KCNH1: variants seen among roughly 807,000 people sequenced by gnomAD.
The protein encoded by KCNH1 is potassium voltage-gated channel subfamily H member 1, also known as voltage-gated delayed rectifier potassium channel KCNH1.
A neutral mutation model predicts 69.2 loss-of-function variants in KCNH1; 27 were observed. That is an observed-to-expected ratio of 0.39 (90% CI 0.29 to 0.54). The LOEUF (loss-of-function observed/expected upper bound fraction) is 0.54, where lower values mean the gene tolerates loss of function less well. Among genes scored for constraint, KCNH1 ranks in the 20% least tolerant of loss-of-function variants. The pLI is 0.68. For synonymous variants in KCNH1, 456 were observed against 487.7 expected (o/e 0.93, Z 0.86); for missense variants, 798 against 1,261.6 (o/e 0.63, Z 5.57).
intron 9 of KCNH1, among the ~76,000 whole-genome samples, chr1:210,781,878 C>T (rs1273484945): frequency 6.6e-6 from 1 of 152,232 alleles, no homozygotes; most frequent in African/African-American, 2.4e-5. Flanking sequence ...CCATCGAGGG[C>T]TTGTGGTGAC....
At chr1:210,928,462 T>C (rs1687617247) in intron 6 of KCNH1, among the ~76,000 whole-genome samples, 1 of 152,252 alleles carries the variant, frequency 6.6e-6, no homozygotes, top group South Asian at 2.1e-4. Context: ...TACTCCAGAA[T>C]GATCATTGGG....
chr1:210,713,507 G>A (rs1357783857), intron 10 of KCNH1, among the ~76,000 whole-genome samples: 1 of 152,186 alleles, frequency 6.6e-6, no homozygotes, highest in Non-Finnish European at 1.5e-5. Context: ...GGATAAAACA[G>A]ACATCAAGAT....
chr1:210,932,373 G>A (rs1687694523), intron 6 of KCNH1, among the ~76,000 whole-genome samples: 1 of 151,992 alleles, frequency 6.6e-6, no homozygotes, highest in Non-Finnish European at 1.5e-5. Flanking sequence ...ATATACAAAT[G>A]AGAATGAAAA....
At chr1:211,001,777 A>C (rs1007291395) in intron 6 of KCNH1, among the ~76,000 whole-genome samples, 1 of 152,334 alleles carries the variant, frequency 6.6e-6, no homozygotes, top group South Asian at 2.1e-4. Context: ...ATGTCCATCA[A>C]TGATAGACTG....
chr1:210,830,239 T>C (rs922014856), intron 7 of KCNH1, among the ~76,000 whole-genome samples: 2 of 152,146 alleles, frequency 1.3e-5, no homozygotes, highest in African/African-American at 2.4e-5. Flanking sequence ...CTCCTACTCA[T>C]CCGTTAACTT....
chr1:210,957,024 A>G (rs546944741), intron 6 of KCNH1, among the ~76,000 whole-genome samples: 2 of 151,736 alleles, frequency 1.3e-5, no homozygotes, highest in South Asian at 4.2e-4. Context: ...GATTTTAGAT[A>G]TTTTCTGCTT....
At chr1:210,977,215 G>T (rs1333966061) in intron 6 of KCNH1, among the ~76,000 whole-genome samples, 1 of 152,022 alleles carries the variant, frequency 6.6e-6, no homozygotes, top group African/African-American at 2.4e-5. Context: ...AACACCACAT[G>T]TTCTCACTCA....
intron 5 of KCNH1, among the ~76,000 whole-genome samples, chr1:211,035,462 A>T (rs1689880441): frequency 6.6e-6 from 1 of 150,866 alleles, no homozygotes; most frequent in Non-Finnish European, 1.5e-5. Flanking sequence ...TTTAGCCGGG[A>T]TGGTCTCGAT....
intron 6 of KCNH1, among the ~76,000 whole-genome samples, chr1:210,969,828 A>G (rs940002676): frequency 1.3e-5 from 2 of 151,924 alleles, no homozygotes; most frequent in Non-Finnish European, 2.9e-5. Flanking sequence ...GTTATTTTTA[A>G]ATCTTTCTTC....
intron 10 of KCNH1, among the ~76,000 whole-genome samples, chr1:210,698,285 C>A (rs1306549023): frequency 6.6e-6 from 1 of 152,144 alleles, no homozygotes; most frequent in Non-Finnish European, 1.5e-5. Flanking sequence ...ACTGGCCCCA[C>A]CAAGATCTGT....
chr1:210,746,770 C>T (rs994047399), intron 10 of KCNH1, among the ~76,000 whole-genome samples: 9 of 152,118 alleles, frequency 5.9e-5, no homozygotes, highest in Non-Finnish European at 1.3e-4. Context: ...TGGTCTTGAA[C>T]TCCTGACCTC....
intron 7 of KCNH1, among the ~76,000 whole-genome samples, chr1:210,907,135 C>T (rs1687119004): frequency 6.6e-6 from 1 of 152,136 alleles, no homozygotes; most frequent in Non-Finnish European, 1.5e-5. Context: ...TATCCAATCA[C>T]ATGGATGCAA....
intron 10 of KCNH1, among the ~76,000 whole-genome samples, chr1:210,699,301 A>G (rs1167279166): frequency 1.3e-5 from 2 of 152,228 alleles, no homozygotes; most frequent in Non-Finnish European, 2.9e-5. Context: ...TCACTGATTC[A>G]ACAGGAGGGA....
intron 7 of KCNH1, among the ~76,000 whole-genome samples, chr1:210,812,098 T>C (rs1435375116): frequency 2.0e-5 from 3 of 152,234 alleles, no homozygotes; most frequent in South Asian, 2.1e-4. Context: ...CTAGCTTCTA[T>C]TGCAATTCCT....
intron 5 of KCNH1, among the ~76,000 whole-genome samples, chr1:211,030,810 T>C (rs1689769214): frequency 6.6e-6 from 1 of 152,086 alleles, no homozygotes; most frequent in African/African-American, 2.4e-5. Context: ...AATGAAAATC[T>C]ATGACTGAAA....
chr1:210,960,140 T>C (rs748176380), intron 6 of KCNH1, among the ~76,000 whole-genome samples: 85 of 152,208 alleles, frequency 5.6e-4, no homozygotes, highest in Non-Finnish European at 1.5e-4. Flanking sequence ...AATTATGAAA[T>C]GTATATGTCA....
At chr1:211,045,133 G>A (rs552798729) in intron 5 of KCNH1, among the ~76,000 whole-genome samples, 10 of 143,024 alleles carry the variant, frequency 7.0e-5, no homozygotes, top group Non-Finnish European at 1.1e-4. Context: ...GGATGAGATC[G>A]GAGACTATTA....
At chr1:210,719,842 A>G (rs188046184) in intron 10 of KCNH1, among the ~76,000 whole-genome samples, 112 of 152,338 alleles carry the variant, frequency 7.4e-4, no homozygotes, top group African/African-American at 2.6e-3. Context: ...TTGGAAAACA[A>G]TCCGTATCAC....
chr1:210,839,138 A>G (rs1685352704), intron 7 of KCNH1, among the ~76,000 whole-genome samples: 1 of 152,224 alleles, frequency 6.6e-6, no homozygotes, highest in Non-Finnish European at 1.5e-5. Flanking sequence ...CATTCACAAC[A>G]GCAAAGACAT....
Sources: allele counts gnomAD v4.1 joint callset (sites outside exome capture counted in the v4.1 genomes callset), GRCh38; gene constraint gnomAD v4.1.1; transcripts MANE v1.5; gene names NCBI Gene and HGNC (gene_info 2026-07-23, HGNC 2026-07-21).